PHF23: variants seen among roughly 807,000 people sequenced by gnomAD.
PHF23 encodes PHD finger protein 23, also known as PDH-containing protein JUNE-1.
A neutral mutation model predicts 36.0 loss-of-function variants in PHF23; 3 were observed. The observed-to-expected ratio is 0.08, with a 90% CI of 0.04 to 0.22. The LOEUF is 0.22. PHF23 is among the 10% of genes least tolerant of loss of function. The pLI, the probability that PHF23 is intolerant of heterozygous loss-of-function variation, is 1.00. For missense variants in PHF23, 475 were observed against 513.6 expected (o/e 0.92, Z 0.73); for synonymous variants, 242 against 192.5 (o/e 1.26, Z -2.13).
At chr17:7,238,986 C>T in intron 1 of PHF23, 3 of 1,463,084 alleles carry the variant, frequency 2.1e-6, no homozygotes, top group East Asian at 2.5e-5. Flanking sequence ...CCCTTTCGGG[C>T]CCTAACCCCC....
intron 1 of PHF23, chr17:7,238,947 C>A: frequency 1.3e-6 from 2 of 1,501,476 alleles, no homozygotes; most frequent in Non-Finnish European, 1.8e-6. Flanking sequence ...CCCTAACCTT[C>A]CAGTTCCAGG....
At position 7,236,806 on chromosome 17, in the gene PHF23, G is replaced by A. The variant is rs2071679951; in HGVS notation, c.160-39C>T. On this transcript the variant is annotated intron_variant, in intron 3 of 4. Coordinates refer to ENST00000320316, the MANE Select transcript of PHF23 (RefSeq NM_024297.3). The surrounding 1 kb of genome is among the most constrained non-coding windows in gnomAD (Gnocchi z 5.1). ...AGAGACCAGGGTCAGCAGAACCCCA[G>A]TGTCATCTCAGCCCCTCCACAAACC... 6.4e-7 allele frequency: 1 copy of A among 1,567,724 alleles called. No individual in the cohort carries two copies. Among genetic ancestry groups the A allele is most frequent in the Non-Finnish European group, 8.6e-7 (1 of 1,159,626 alleles).
Position 7,235,746 on chromosome 17 carries a change from G to A in PHF23, c.1092C>T (p.His364=), listed in dbSNP as rs1290250834. 6 of 1,614,128 alleles carry A rather than the reference G, an allele frequency of 3.7e-6. No homozygotes were observed. In the South Asian group the frequency reaches 5.5e-5, roughly 15 times the overall value. Residue 364 remains histidine, a synonymous_variant, in exon 5 of 5, where the codon CAC becomes CAT. Transcript: ENST00000320316. ...IECSLCGTWI[H]LSCAKIKKTN... is the part of the protein sequence containing the mutation. ...TCTTCTTAATCTTAGCACAGGAGAG[G>A]TGGATCCACGTCCCACACAGGCTGC...
intron 1 of PHF23, chr17:7,238,956 G>C: frequency 6.7e-7 from 1 of 1,494,476 alleles, no homozygotes. Flanking sequence ...TCCAGTTCCA[G>C]GGCCCCAATC....
At chr17:7,239,066 G>T in intron 1 of PHF23, 180 bp downstream of exon 1, 2 of 1,225,208 alleles carry the variant, frequency 1.6e-6, no homozygotes, top group South Asian at 1.6e-5. Context: ...CCCCAGCCCA[G>T]TTTCCCACTC....
Position 7,237,855 on chromosome 17 carries a change from C to T in PHF23, c.35-195G>A, listed in dbSNP as rs2071704244. 5 of 626,142 alleles carry T rather than the reference C, an allele frequency of 8.0e-6. 1 individual carries two copies. Among genetic ancestry groups the T allele is most frequent in the Middle Eastern group, 4.3e-4 (1 of 2,304 alleles). The allele number at this position is 626,142 out of a possible 1,614,324, so 38.8% of individuals were successfully genotyped here. On this transcript the variant is annotated intron_variant, in intron 1 of 4. Coordinates refer to ENST00000320316, the MANE Select transcript of PHF23 (RefSeq NM_024297.3). ...AGGGGCGGAGCCTGGGCGCGGCGCC[C>T]TCTGAGGCCTCGCTATAGCGCTCCC...
At chr17:7,237,714 T>G in intron 1 of PHF23, 54 bp from the exon 2 acceptor site, 1 of 1,597,056 alleles carries the variant, frequency 6.3e-7, no homozygotes, top group Non-Finnish European at 8.6e-7. Context: ...TGTGTAAAAC[T>G]CCCCCTCTAA....
rs1006399553 is a variant in PHF23, at chr17:7,235,557, C to A, written c.*69G>T. 6.6e-7 allele frequency: 1 copy of A among 1,510,904 alleles called. No homozygotes were observed. The highest frequency in any genetic ancestry group is 1.4e-5 in the African/African-American group (1 of 72,756). 93.6% of individuals were successfully genotyped at this position (1,510,904 alleles called of 1,614,324 possible). A position where few individuals can be genotyped will look rare whatever the true frequency, so the allele number is the denominator to read the frequency against. Reference sequence around the variant, plus strand: ...CAGTATCCAAGCTCCAGGGGATAGGCTGAGGACCCTGAGGCTCAGTTCCCA... The same window carrying A: ...CAGTATCCAAGCTCCAGGGGATAGGATGAGGACCCTGAGGCTCAGTTCCCA... On this transcript the variant is annotated 3_prime_UTR_variant, in exon 5 of 5. Transcript: ENST00000320316.
At chr17:7,239,078 T>C (rs1268736209) in intron 1 of PHF23, 168 bp downstream of exon 1, 3 of 1,187,290 alleles carry the variant, frequency 2.5e-6, no homozygotes, top group East Asian at 5.5e-5. Context: ...TTCCCACTCC[T>C]CTTTCTCCAA....
Position 7,236,133 on chromosome 17 carries a change from ACT to A in PHF23, c.792_793del (p.Val265GlyfsTer4). ...AGGGACTGGGGCTTCACCCCCTACC[ACT>A]GTTGCCATCTCTTCTTCTTCTTCCT... On this transcript the variant is annotated frameshift_variant, in exon 4 of 5. Coordinates refer to ENST00000320316, the MANE Select transcript of PHF23 (RefSeq NM_024297.3). LOFTEE classifies it high-confidence loss of function. This position sits in a 1 kb window ranked among gnomAD's most constrained non-coding sequence, Gnocchi z 5.1. 6.2e-7 allele frequency: 1 copy of A among 1,610,694 alleles called. No homozygotes were observed. The highest frequency in any genetic ancestry group is 8.5e-7 in the Non-Finnish European group (1 of 1,178,354).
chr17:7,237,570 G>A, intron 2 of PHF23, 59 bp downstream of exon 2: 1 of 1,608,164 alleles, frequency 6.2e-7, no homozygotes, highest in Non-Finnish European at 8.5e-7. Flanking sequence ...TCTAGAAAAG[G>A]GGGGCGGGGG....
chr17:7,238,842 C>T, intron 1 of PHF23: 1 of 1,534,526 alleles, frequency 6.5e-7, no homozygotes, highest in South Asian at 1.2e-5. Context: ...TCCGGTACCA[C>T]CGCCACAAAC....
intron 1 of PHF23, 163 bp from the exon 2 acceptor site, chr17:7,237,823 C>T (rs2142996632): frequency 1.3e-6 from 1 of 772,468 alleles, no homozygotes; most frequent in Non-Finnish European, 2.1e-6. Flanking sequence ...CCCCCTTCCG[C>T]CCCGCGAGGG....
chr17:7,236,432 G>C lies in PHF23; in HGVS notation c.495C>G (p.Thr165=), dbSNP rs1400755137. Residue 165 remains threonine (T), a synonymous_variant, in exon 4 of 5, where the codon ACC becomes ACG. Coordinates refer to ENST00000320316, the MANE Select transcript of PHF23 (RefSeq NM_024297.3). This position sits in a 1 kb window ranked among gnomAD's most constrained non-coding sequence, Gnocchi z 5.1. ...GGTCCCCCTGGGAAAGGGGCACGGGGGTAAGAGCAGCAGGGGGCCGGGAGG... is the reference window on the plus strand; with the variant it reads ...GGTCCCCCTGGGAAAGGGGCACGGGCGTAAGAGCAGCAGGGGGCCGGGAGG... The part of the protein sequence containing the change: ...THTSRPPAAL[T]PVPLSQGDLS... 1 of 1,613,734 alleles carries C rather than the reference G, an allele frequency of 6.2e-7. No individual in the cohort carries two copies. Among genetic ancestry groups the C allele is most frequent in the South Asian group, 1.1e-5 (1 of 91,082 alleles).
At chr17:7,239,497 G>C, upstream of PHF23, 1 of 451,864 alleles carries the variant, frequency 2.2e-6, no homozygotes, top group Non-Finnish European at 4.0e-6. Context: ...CCGGCCGCCT[G>C]CTCCCTCCTC....
At chr17:7,237,065 G>GC (rs1231011499) in intron 3 of PHF23, among the ~76,000 whole-genome samples, 1 of 152,052 alleles carries the variant, frequency 6.6e-6, no homozygotes, top group African/African-American at 2.4e-5. Context: ...TTTCTGTATA[G>GC]CCTCATTTGT....
intron 4 of PHF23, 26 bp downstream of exon 4, chr17:7,235,904 C>G: frequency 6.2e-7 from 1 of 1,612,128 alleles, no homozygotes; most frequent in Non-Finnish European, 8.5e-7. Flanking sequence ...ACCCTCAAAC[C>G]CCTCGCCCCA....
At chr17:7,237,240 A>G in intron 3 of PHF23, 145 bp downstream of exon 3, 1 of 753,612 alleles carries the variant, frequency 1.3e-6, no homozygotes, top group Non-Finnish European at 2.2e-6. Context: ...CTTTCCTACC[A>G]CAGCCCTAAG....
intron 1 of PHF23, 88 bp from the exon 2 acceptor site, chr17:7,237,748 C>G (rs2071698942): frequency 2.7e-6 from 4 of 1,468,082 alleles, no homozygotes; most frequent in Non-Finnish European, 3.8e-6. Context: ...TAAGTGAACC[C>G]CCTGCTCTCC....
Sources: gnomAD v4.1 joint callset for allele counts (sites outside exome capture counted in the v4.1 genomes callset) on GRCh38, gnomAD v4.1.1 for gene constraint, Gnocchi (gnomAD v3.1) non-coding constraint, MANE v1.5 for transcripts, NCBI Gene and HGNC (gene_info 2026-07-23, HGNC 2026-07-21) for gene names.